AKAP8L: variants seen among roughly 807,000 people sequenced by gnomAD.
The protein encoded by AKAP8L is A-kinase anchoring protein 8 like, also known as A-kinase anchor protein 8-like.
A neutral mutation model predicts 77.5 loss-of-function variants in AKAP8L; 34 were observed. The ratio of observed to expected loss-of-function variants is 0.44; its 90% CI spans 0.33 to 0.58. AKAP8L has a LOEUF of 0.58. Ranked by LOEUF, AKAP8L falls within the 20% of genes least tolerant of loss-of-function variation. The probability of loss-of-function intolerance (pLI) is 0.02; values close to 1 mark genes in which losing one functional copy is unlikely to be tolerated. For synonymous variants in AKAP8L, 342 were observed against 340.7 expected (o/e 1.00, Z -0.04); for missense variants, 806 against 887.6 (o/e 0.91, Z 1.17).
rs1967866530 is a variant in AKAP8L, at chr19:15,400,308, C to T, written c.1035G>A (p.Glu345=). The T allele has an allele frequency of 6.2e-7, 1 of 1,613,988 alleles. No individual in the cohort carries two copies. Among genetic ancestry groups the T allele is most frequent in the Non-Finnish European group, 8.5e-7 (1 of 1,179,868 alleles). Reference sequence around the variant, plus strand: ...AGGAAAACTCACCCTTCTCTGGATCCTCTTTGCCTTCTTCTCTCCCATCCT... The same window carrying T: ...AGGAAAACTCACCCTTCTCTGGATCTTCTTTGCCTTCTTCTCTCCCATCCT... ...GKEDGREEGK[E]DPEKGALTTQ... The change falls in exon 8 of 14, where the codon GAG becomes GAA. Residue 345 remains glutamate, a synonymous_variant. Transcript: ENST00000397410.
chr19:15,380,425 C>T lies in AKAP8L; in HGVS notation c.1638G>A (p.Glu546=), dbSNP rs775295991. 5.3e-5 allele frequency: 85 copies of T among 1,604,924 alleles called. No individual in the cohort carries two copies. The highest frequency in any genetic ancestry group is 7.2e-5 in the Non-Finnish European group (85 of 1,176,484). ...CCTCGGGGCTGTCGGTGAAAGGGTT[C>T]TCGCCCTGTGGGGAGGGGCGCGGAC... ...SKKLERYLKG[E]NPFTDSPEEE... The change falls in exon 14 of 14, where the codon GAG becomes GAA. Residue 546 remains glutamate (E), a synonymous_variant. Transcript: ENST00000397410.
chr19:15,403,287 G>C lies in AKAP8L; in HGVS notation c.362+188C>G. 1.5e-5 allele frequency: 9 copies of C among 614,372 alleles called. No homozygotes were observed. In the South Asian group the frequency reaches 1.7e-4, roughly 12 times the overall value. 38.1% of individuals were successfully genotyped at this position (614,372 alleles called of 1,614,324 possible). Reference sequence around the variant, plus strand: ...CTGACCACCAGGCAGTGCGGCAGGGGTTGAGGGTGGGTGAGAGGAGACACA... The same window carrying C: ...CTGACCACCAGGCAGTGCGGCAGGGCTTGAGGGTGGGTGAGAGGAGACACA... On this transcript the variant is annotated intron_variant, in intron 4 of 13. Coordinates refer to ENST00000397410, the MANE Select transcript of AKAP8L (RefSeq NM_014371.4). This position sits in a 1 kb window ranked among gnomAD's most constrained non-coding sequence, Gnocchi z 4.3.
intron 12 of AKAP8L, among the ~76,000 whole-genome samples, chr19:15,391,036 C>T (rs868077152): frequency 4.6e-5 from 7 of 152,160 alleles, no homozygotes; most frequent in African/African-American, 1.4e-4. Context: ...CTATTCAATA[C>T]TGTATTGGAG....
intron 2 of AKAP8L, among the ~76,000 whole-genome samples, chr19:15,406,489 T>G (rs1023344428): frequency 6.6e-6 from 1 of 151,606 alleles, no homozygotes; most frequent in African/African-American, 2.4e-5. Flanking sequence ...ATTTTTGAGA[T>G]AGAGTCTTGC....
intron 2 of AKAP8L, among the ~76,000 whole-genome samples, chr19:15,409,403 T>A (rs972963325): frequency 6.6e-6 from 1 of 152,232 alleles, no homozygotes; most frequent in African/African-American, 2.4e-5. Context: ...ATGAGACACC[T>A]GATACCTTCT....
In AKAP8L at chr19:15,380,385, C is replaced by A; in HGVS notation, c.1678G>T (p.Glu560Ter). Residue 560 changes from glutamate (E) to a stop codon, truncating the protein, a stop_gained, in exon 14 of 14, where the codon GAG (glutamate) becomes TAG (stop). Transcript: ENST00000397410. LOFTEE classifies it low-confidence loss of function (END_TRUNC). Reference protein sequence around the residue: ...TDSPEEEKEQEEAEGGALDEG... With the variant: ...TDSPEEEKEQ ...TCCAGGGCACCGCCCTCAGCCTCCT[C>A]CTGCTCCTTCTCCTCCTCGGGGCTG... The A allele has an allele frequency of 6.3e-7, 1 of 1,581,560 alleles. No individual in the cohort carries two copies. Among genetic ancestry groups the A allele is most frequent in the Non-Finnish European group, 8.6e-7 (1 of 1,166,248 alleles).
chr19:15,393,092 T>G (rs1380484874), intron 12 of AKAP8L, among the ~76,000 whole-genome samples: 1 of 151,898 alleles, frequency 6.6e-6, no homozygotes, highest in African/African-American at 2.4e-5. Context: ...GGGAAAACAG[T>G]CTCTTTCATT....
At chr19:15,385,021 A>G (rs1171144595) in intron 12 of AKAP8L, among the ~76,000 whole-genome samples, 5 of 137,444 alleles carry the variant, frequency 3.6e-5, no homozygotes, top group Non-Finnish European at 1.5e-5. Context: ...TCTGTTGCCC[A>G]GGCTGGAGTG....
At chr19:15,384,291 C>T (rs1355799080) in intron 12 of AKAP8L, among the ~76,000 whole-genome samples, 1 of 122,944 alleles carries the variant, frequency 8.1e-6, no homozygotes, top group Non-Finnish European at 1.6e-5. Context: ...AGCCTTTCTT[C>T]TTCCCTCCCT....
Position 15,397,281 on chromosome 19 carries a change from C to G in AKAP8L, c.1406-1G>C. 6.2e-7 allele frequency: 1 copy of G among 1,613,916 alleles called. No individual in the cohort carries two copies. Among genetic ancestry groups the G allele is most frequent in the Non-Finnish European group, 8.5e-7 (1 of 1,179,884 alleles). Reference sequence around the variant, plus strand: ...TTCACAAAATGCTCCATGGCAATTTCTGTAGTGGGGAGGAGGGAGTCACCA... The same window carrying G: ...TTCACAAAATGCTCCATGGCAATTTGTGTAGTGGGGAGGAGGGAGTCACCA... On this transcript the variant is annotated splice_acceptor_variant, in intron 11 of 13. Transcript: ENST00000397410. LOFTEE classifies it high-confidence loss of function. The surrounding 1 kb of genome is among the most constrained non-coding windows in gnomAD (Gnocchi z 4.7).
intron 1 of AKAP8L, among the ~76,000 whole-genome samples, chr19:15,417,871 G>A (rs1349700085): frequency 6.6e-6 from 1 of 152,168 alleles, no homozygotes; most frequent in Non-Finnish European, 1.5e-5. Context: ...GCAAACCCAG[G>A]AGGCCTTGGC....
At position 15,397,825 on chromosome 19, in the gene AKAP8L, G is replaced by C. The variant is rs1568267049; in HGVS notation, c.1188C>G (p.Tyr396Ter). The C allele has an allele frequency of 3.1e-6, 5 of 1,613,964 alleles. No individual in the cohort carries two copies. Among genetic ancestry groups the C allele is most frequent in the Non-Finnish European group, 4.2e-6 (5 of 1,179,890 alleles). Residue 396 changes from tyrosine to a stop codon, truncating the protein, a stop_gained, in exon 10 of 14, where the codon TAC (tyrosine) becomes TAG (stop). Transcript: ENST00000397410. LOFTEE classifies it high-confidence loss of function. This position sits in a 1 kb window ranked among gnomAD's most constrained non-coding sequence, Gnocchi z 4.7. Reference protein sequence around the residue: ...RIQFVCSLCKYRTFYEDEMAS... With the variant: ...RIQFVCSLCK ...CCATCTCGTCCTCATAGAAGGTCCGGTATTTGCACAGAGAACACACAAACT... is the reference window on the plus strand; with the variant it reads ...CCATCTCGTCCTCATAGAAGGTCCGCTATTTGCACAGAGAACACACAAACT...
Position 15,397,706 on chromosome 19 carries a change from A to G in AKAP8L, c.1299+8T>C. The G allele has an allele frequency of 6.2e-7, 1 of 1,613,978 alleles. No individual in the cohort carries two copies. The highest frequency in any genetic ancestry group is 8.5e-7 in the Non-Finnish European group (1 of 1,179,866). On this transcript the variant is annotated splice_region_variant and intron_variant, in intron 10 of 13. Coordinates refer to ENST00000397410, the MANE Select transcript of AKAP8L (RefSeq NM_014371.4). This position sits in a 1 kb window ranked among gnomAD's most constrained non-coding sequence, Gnocchi z 4.7. ...AACTAAGAGCGGCTGTGTTACTCCA[A>G]GGCTCACCTGCAGAAAGTCAGCCGT...
In AKAP8L at chr19:15,382,349, G is replaced by A. The variant is rs1357660206; in HGVS notation, c.1537-1737C>T. On this transcript the variant is annotated intron_variant, in intron 12 of 13. Transcript: ENST00000397410. ...CCTGAGTAGCTAGGACTACGGGCAC[G>A]CACCACCACACCCAGCTACTTTTTT... is the stretch of plus-strand genomic sequence containing the variant. 3.3e-5 allele frequency among the ~76,000 whole-genome samples: 5 copies of A among 151,800 alleles called. No individual in the cohort carries two copies. The East Asian group carries it at 7.7e-4, about 23-fold the overall frequency.
chr19:15,397,486 T>C lies in AKAP8L; in HGVS notation c.1405+34A>G. ...AAAATCAGGAGTGCAGGCTGAGGCCTTGCCTGGTGGGAGTGGGCTGAAAAT... is the reference window on the plus strand; with the variant it reads ...AAAATCAGGAGTGCAGGCTGAGGCCCTGCCTGGTGGGAGTGGGCTGAAAAT... On this transcript the variant is annotated intron_variant, in intron 11 of 13. Transcript: ENST00000397410. The surrounding 1 kb of genome is among the most constrained non-coding windows in gnomAD (Gnocchi z 4.7). The C allele has an allele frequency of 1.9e-6, 3 of 1,587,124 alleles. No individual in the cohort carries two copies. The highest frequency in any genetic ancestry group is 2.6e-6 in the Non-Finnish European group (3 of 1,157,872).
chr19:15,403,141 G>A lies in AKAP8L; in HGVS notation c.362+334C>T, dbSNP rs2145135746. 6.6e-6 allele frequency among the ~76,000 whole-genome samples: 1 copy of A among 152,306 alleles called. No homozygotes were observed. Among genetic ancestry groups the A allele is most frequent in the East Asian group, 1.9e-4 (1 of 5,176 alleles). On this transcript the variant is annotated intron_variant, in intron 4 of 13. Coordinates refer to ENST00000397410, the MANE Select transcript of AKAP8L (RefSeq NM_014371.4). This position sits in a 1 kb window ranked among gnomAD's most constrained non-coding sequence, Gnocchi z 4.3. ...GCCCTGACACCACGCAGGAGGCAAAGTCTCGAGAGAATTCCAAATGGCTGT... is the reference window on the plus strand; with the variant it reads ...GCCCTGACACCACGCAGGAGGCAAAATCTCGAGAGAATTCCAAATGGCTGT...
In AKAP8L at chr19:15,399,346, A is replaced by T. The variant is rs1967842566; in HGVS notation, c.1113T>A (p.Ser371Arg). ...TKRKLQAGKK[S>R]QDKQKKRQRD... is the part of the protein sequence containing the mutation. ...GCTGCCGCTTTTTCTGCTTGTCCTGACTCTTCTTGCCTGCCTGCAACTTGC... is the reference window on the plus strand; with the variant it reads ...GCTGCCGCTTTTTCTGCTTGTCCTGTCTCTTCTTGCCTGCCTGCAACTTGC... The change falls in exon 9 of 14, where the codon AGT becomes AGA. Residue 371 changes from serine to arginine, a missense_variant. Coordinates refer to ENST00000397410, the MANE Select transcript of AKAP8L (RefSeq NM_014371.4). This position sits in a 1 kb window ranked among gnomAD's most constrained non-coding sequence, Gnocchi z 6.1. The T allele has an allele frequency of 1.2e-6, 2 of 1,612,594 alleles. No homozygotes were observed. The highest frequency in any genetic ancestry group is 1.7e-6 in the Non-Finnish European group (2 of 1,179,550).
chr19:15,380,358 C>G lies in AKAP8L; in HGVS notation c.1705G>C (p.Glu569Gln), dbSNP rs1391789111. 4 of 1,557,006 alleles carry G rather than the reference C, an allele frequency of 2.6e-6. No homozygotes were observed. The highest frequency in any genetic ancestry group is 1.4e-5 in the African/African-American group (1 of 73,820). ...QEEAEGGALD[E>Q]GAQGEAAGIS... ...CCTGCCGCTTCGCCCTGCGCCCCCT[C>G]GTCCAGGGCACCGCCCTCAGCCTCC... is the stretch of plus-strand genomic sequence containing the variant. Residue 569 changes from glutamate (E) to glutamine (Q), a missense_variant, in exon 14 of 14, where the codon GAG (glutamate) becomes CAG (glutamine). Physicochemically the swap from Glu to Gln is conservative, Grantham distance 29. Around this residue, in one of 2 missense-constraint regions of AKAP8L, gnomAD observed 226 missense variants for 193.5 expected, o/e 1.17. Transcript: ENST00000397410.
At position 15,400,442 on chromosome 19, in the gene AKAP8L, A is replaced by G. The variant is rs1967869998; in HGVS notation, c.985-84T>C. The G allele has an allele frequency of 8.9e-6, 12 of 1,348,842 alleles. No homozygotes were observed. In the South Asian group the frequency reaches 1.5e-4, roughly 17 times the overall value. The allele number at this position is 1,348,842 out of a possible 1,614,324, so 83.6% of individuals were successfully genotyped here. A position where few individuals can be genotyped will look rare whatever the true frequency, so the allele number is the denominator to read the frequency against. ...ACCAAGTTTATTAGAGCAACGGTATATAGTAAAACAGCTGCTTGCTCCATA... is the reference window on the plus strand; with the variant it reads ...ACCAAGTTTATTAGAGCAACGGTATGTAGTAAAACAGCTGCTTGCTCCATA... On this transcript the variant is annotated intron_variant, in intron 7 of 13. Transcript: ENST00000397410.
Sources: allele counts gnomAD v4.1 joint callset (sites outside exome capture counted in the v4.1 genomes callset), GRCh38; gene constraint gnomAD v4.1.1; regional missense constraint gnomAD v4.1.1; non-coding constraint Gnocchi (gnomAD v3.1); transcripts MANE v1.5; gene names NCBI Gene and HGNC (gene_info 2026-07-23, HGNC 2026-07-21).